Variants in UNC13C observed in about 807,000 individuals in gnomAD.
The protein encoded by UNC13C is unc-13 homolog C, also known as protein unc-13 homolog C.
In UNC13C, 174 loss-of-function variants were observed where a neutral mutation model predicts 245.4. The observed-to-expected ratio is 0.71, with a 90% CI of 0.63 to 0.80. UNC13C has a LOEUF of 0.80. UNC13C is among the 30% of genes least tolerant of loss of function. The probability of loss-of-function intolerance (pLI) is 0.00; values close to 1 mark genes in which losing one functional copy is unlikely to be tolerated. For missense variants in UNC13C, 2,829 were observed against 2,602.9 expected (o/e 1.09, Z -1.89); for synonymous variants, 992 against 895.1 (o/e 1.11, Z -1.93).
chr15:54,516,672 C>T (rs373148301), intron 24 of UNC13C, among the ~76,000 whole-genome samples: 3 of 151,620 alleles, frequency 2.0e-5, no homozygotes, highest in Admixed American at 6.6e-5. Flanking sequence ...TGGTGGTGGG[C>T]GCCTGTAATC....
intron 26 of UNC13C, 118 bp from the exon 27 acceptor site, chr15:54,546,604 T>A: frequency 1.9e-6 from 1 of 538,580 alleles, no homozygotes; most frequent in Non-Finnish European, 3.0e-6. Context: ...TTTTTGAGAT[T>A]ATACATTTTG....
intron 17 of UNC13C, among the ~76,000 whole-genome samples, chr15:54,370,675 T>C (rs1433180398): frequency 6.6e-6 from 1 of 152,158 alleles, no homozygotes; most frequent in Non-Finnish European, 1.5e-5. Context: ...GTCATATTTT[T>C]ATTTATAGAT....
chr15:53,944,127 A>G, the UNC13C span, among the ~76,000 whole-genome samples: 1 of 152,154 alleles, frequency 6.6e-6, no homozygotes, highest in Non-Finnish European at 1.5e-5. Flanking sequence ...AATTATTTAC[A>G]TTGAACATAA....
intron 18 of UNC13C, among the ~76,000 whole-genome samples, chr15:54,406,630 A>G (rs897471065): frequency 6.6e-6 from 1 of 152,220 alleles, no homozygotes; most frequent in African/African-American, 2.4e-5. Flanking sequence ...GCAAACATCA[A>G]TAACATTGTG....
chr15:54,004,708 G>A (rs1035965648), intron 1 of UNC13C, among the ~76,000 whole-genome samples: 5 of 152,136 alleles, frequency 3.3e-5, no homozygotes, highest in East Asian at 1.9e-4. Context: ...CATTTTAACC[G>A]GAGCGAGGTA....
chr15:53,918,777 C>T, the UNC13C span, among the ~76,000 whole-genome samples: 5 of 152,292 alleles, frequency 3.3e-5, no homozygotes, highest in South Asian at 1.0e-3. Flanking sequence ...AAGTGCCTGT[C>T]ATCAGAGAGC....
intron 4 of UNC13C, among the ~76,000 whole-genome samples, chr15:54,182,081 G>C (rs1171592209): frequency 2.0e-5 from 3 of 152,074 alleles, no homozygotes; most frequent in Non-Finnish European, 4.4e-5. Flanking sequence ...TTGAATAGGA[G>C]TGGTTAGAGT....
intron 2 of UNC13C, among the ~76,000 whole-genome samples, chr15:54,075,830 C>A (rs939566269): frequency 4.5e-5 from 5 of 111,766 alleles, no homozygotes; most frequent in Non-Finnish European, 9.3e-5. Context: ...CTATCATCTT[C>A]AGATATAATG....
chr15:54,416,238 T>C (rs915051188), intron 19 of UNC13C, among the ~76,000 whole-genome samples: 1 of 152,144 alleles, frequency 6.6e-6, no homozygotes, highest in African/African-American at 2.4e-5. Context: ...GATTACAATA[T>C]GGAAAATAGG....
At position 54,417,908 on chromosome 15, in the gene UNC13C, A is replaced by G. The variant is rs576946627; in HGVS notation, c.4933+2841A>G. Among the ~76,000 whole-genome samples, 297 of 151,644 alleles carry G rather than the reference A, an allele frequency of 2.0e-3. 1 individual carries two copies. The highest frequency in any genetic ancestry group is 2.4e-3 in the Non-Finnish European group (161 of 67,968). ...CAGTTGTACATTGTTAAAATTTCCT[A>G]TATGTTTTATGTATGTTTGTTTGTT... On this transcript the variant is annotated intron_variant, in intron 19 of 32. Coordinates refer to ENST00000260323, the MANE Select transcript of UNC13C (RefSeq NM_001080534.3).
At chr15:54,375,939 A>C (rs2039597796) in intron 17 of UNC13C, among the ~76,000 whole-genome samples, 1 of 152,190 alleles carries the variant, frequency 6.6e-6, no homozygotes, top group Non-Finnish European at 1.5e-5. Flanking sequence ...AGCAAAAGAA[A>C]ACAAACACCC....
At chr15:54,532,741 A>G (rs552857046) in intron 25 of UNC13C, among the ~76,000 whole-genome samples, 176 bp from the exon 26 acceptor site, 3 of 152,330 alleles carry the variant, frequency 2.0e-5, no homozygotes, top group Non-Finnish European at 4.4e-5. Flanking sequence ...ACTTATAAGT[A>G]TTACACGTAA....
chr15:54,403,615 C>T (rs1163971053), intron 18 of UNC13C, among the ~76,000 whole-genome samples: 1 of 144,730 alleles, frequency 6.9e-6, no homozygotes, highest in African/African-American at 2.6e-5. Flanking sequence ...ATTAGGGAGG[C>T]TGAGGCGGAA....
At position 54,236,492 on chromosome 15, in the gene UNC13C, G is replaced by A. The variant is rs762762667; in HGVS notation, c.3156+57G>A. 14 of 1,375,318 alleles carry A rather than the reference G, an allele frequency of 1.0e-5. No individual in the cohort carries two copies. The African/African-American group carries it at 1.4e-4, about 14-fold the overall frequency. 85.2% of individuals were successfully genotyped at this position (1,375,318 alleles called of 1,614,324 possible). On this transcript the variant is annotated intron_variant, in intron 6 of 32. Coordinates refer to ENST00000260323, the MANE Select transcript of UNC13C (RefSeq NM_001080534.3). ...TTTGCAGTCTTCTCAAACATACACT[G>A]CACTTACTCATGGGGTAAAAGAGGG...
intron 29 of UNC13C, among the ~76,000 whole-genome samples, chr15:54,559,882 T>C (rs1897233754): frequency 6.6e-6 from 1 of 151,906 alleles, no homozygotes; most frequent in African/African-American, 2.4e-5. Flanking sequence ...AGAGGAACAT[T>C]GGATTGGAGC....
intron 30 of UNC13C, among the ~76,000 whole-genome samples, chr15:54,608,323 A>G (rs1018912905): frequency 5.3e-5 from 8 of 152,224 alleles, no homozygotes; most frequent in Non-Finnish European, 1.0e-4. Context: ...TGTCCTCATG[A>G]TCTTGTGAAG....
chr15:53,937,331 G>C, the UNC13C span, among the ~76,000 whole-genome samples: 2 of 152,054 alleles, frequency 1.3e-5, no homozygotes, highest in African/African-American at 2.4e-5. Flanking sequence ...GGCAAGAATA[G>C]AGAAAAAAGA....
intron 4 of UNC13C, among the ~76,000 whole-genome samples, chr15:54,152,680 G>A (rs2032573253): frequency 6.6e-6 from 1 of 152,114 alleles, no homozygotes; most frequent in African/African-American, 2.4e-5. Context: ...ACATTGAGCA[G>A]AATAATCACT....
Position 54,507,191 on chromosome 15 carries a change from TGTG to T in UNC13C, c.5379_5379+2del, listed in dbSNP as rs1567336341. On this transcript the variant is annotated inframe_deletion and splice_region_variant, in exon 23 of 33. Transcript: ENST00000260323. ...TCAGTTCACATTGTGATAAGGAAAA[TGTG>T]GTAAGTAAAAAATGTCTCTACTTTC... 1 of 1,581,402 alleles carries T rather than the reference TGTG, an allele frequency of 6.3e-7. No homozygotes were observed. Among genetic ancestry groups the T allele is most frequent in the Admixed American group, 1.8e-5 (1 of 56,120 alleles).
Sources: gnomAD v4.1 joint callset for allele counts (sites outside exome capture counted in the v4.1 genomes callset) on GRCh38, gnomAD v4.1.1 for gene constraint, MANE v1.5 for transcripts, NCBI Gene and HGNC (gene_info 2026-07-23, HGNC 2026-07-21) for gene names.